PPP2R5E: variants seen among roughly 807,000 people sequenced by gnomAD.
The protein encoded by PPP2R5E is protein phosphatase 2 regulatory subunit B'epsilon.
Under a neutral mutation model 65.3 loss-of-function variants are expected in PPP2R5E, and 4 were observed. That is an observed-to-expected ratio of 0.06 (90% CI 0.03 to 0.14). PPP2R5E has a LOEUF of 0.14. Among genes scored for constraint, PPP2R5E ranks in the 10% least tolerant of loss-of-function variants. PPP2R5E has a pLI of 1.00. For missense variants in PPP2R5E, 274 were observed against 556.1 expected (o/e 0.49, Z 5.10); for synonymous variants, 183 against 187.4 (o/e 0.98, Z 0.19).
chr14:63,469,503 T>G (rs144906192), intron 2 of PPP2R5E, among the ~76,000 whole-genome samples: 4,437 of 152,170 alleles, frequency 0.029, 120 homozygotes, highest in Non-Finnish European at 0.047. Flanking sequence ...CCATCCTGGC[T>G]AACACGGTGA....
rs1395156546 is a variant in PPP2R5E, at chr14:63,372,275, A to G, written c.*3734T>C. On this transcript the variant is annotated 3_prime_UTR_variant, in exon 14 of 14. Transcript: ENST00000337537. Reference sequence around the variant, plus strand: ...GCTCAACTTTCTCTCAAGATGCACAATCCTTCTTTTAGGTTTTCAAAATTA... The same window carrying G: ...GCTCAACTTTCTCTCAAGATGCACAGTCCTTCTTTTAGGTTTTCAAAATTA... The G allele has an allele frequency of 6.6e-6, 1 of 152,152 alleles. No homozygotes were observed. The highest frequency in any genetic ancestry group is 2.4e-5 in the African/African-American group (1 of 41,436). 9.4% of individuals were successfully genotyped at this position (152,152 alleles called of 1,614,324 possible).
At chr14:63,405,156 T>C (rs1015204906) in intron 5 of PPP2R5E, among the ~76,000 whole-genome samples, 13 of 152,174 alleles carry the variant, frequency 8.5e-5, no homozygotes, top group Admixed American at 8.5e-4. Context: ...CAGGACAGGA[T>C]GAAGTGATGT....
At chr14:63,403,387 CA>C (rs35226807) in intron 5 of PPP2R5E, among the ~76,000 whole-genome samples, 7,552 of 79,274 alleles carry the variant, frequency 0.095, 162 homozygotes, top group East Asian at 0.27. Context: ...GAGTCTGTCT[CA>C]AAAAAAAAAA....
Position 63,374,660 on chromosome 14 carries a change from T to C in PPP2R5E, c.*1349A>G, listed in dbSNP as rs1292462660. On this transcript the variant is annotated 3_prime_UTR_variant, in exon 14 of 14. Coordinates refer to ENST00000337537, the MANE Select transcript of PPP2R5E (RefSeq NM_006246.5). ...ATATATATATATATATATATATATA[T>C]ATATATATAAAATACAGCCCTAGAT... 4 of 130,736 alleles carry C rather than the reference T, an allele frequency of 3.1e-5. No homozygotes were observed. In the East Asian group the frequency reaches 9.6e-4, roughly 31 times the overall value. 8.1% of individuals were successfully genotyped at this position (130,736 alleles called of 1,614,324 possible).
chr14:63,394,389 T>C (rs1885210066), intron 7 of PPP2R5E, among the ~76,000 whole-genome samples: 1 of 152,022 alleles, frequency 6.6e-6, no homozygotes, highest in South Asian at 2.1e-4. Context: ...CCAGCCAGGA[T>C]TTCTTAATGA....
intron 2 of PPP2R5E, among the ~76,000 whole-genome samples, chr14:63,476,964 A>G (rs1422828431): frequency 1.3e-5 from 2 of 152,114 alleles, no homozygotes; most frequent in Non-Finnish European, 2.9e-5. Flanking sequence ...CTACAAACGT[A>G]CACACACACA....
At chr14:63,524,312 C>A (rs554754421) in intron 2 of PPP2R5E, among the ~76,000 whole-genome samples, 12 of 152,280 alleles carry the variant, frequency 7.9e-5, no homozygotes, top group African/African-American at 2.9e-4. Flanking sequence ...TCCAGGTCCA[C>A]AGGGCTGACT....
chr14:63,459,770 G>A (rs187011230), intron 2 of PPP2R5E, among the ~76,000 whole-genome samples: 13 of 152,258 alleles, frequency 8.5e-5, no homozygotes, highest in Admixed American at 2.6e-4. Context: ...AAAAACCACC[G>A]TTTTTAAAGT....
intron 3 of PPP2R5E, among the ~76,000 whole-genome samples, chr14:63,431,419 G>A (rs1887665722): frequency 1.3e-5 from 2 of 152,114 alleles, no homozygotes; most frequent in Admixed American, 1.3e-4. Flanking sequence ...GCTATGTAAT[G>A]TCATCAATAA....
chr14:63,416,505 C>T (rs1015855955), intron 4 of PPP2R5E, among the ~76,000 whole-genome samples: 10 of 152,004 alleles, frequency 6.6e-5, no homozygotes, highest in African/African-American at 2.4e-4. Flanking sequence ...ATCATCATCA[C>T]TATTCCTAAA....
intron 5 of PPP2R5E, among the ~76,000 whole-genome samples, chr14:63,409,089 C>T (rs1434415401): frequency 6.6e-6 from 1 of 152,140 alleles, no homozygotes; most frequent in African/African-American, 2.4e-5. Flanking sequence ...AAAAATTAGC[C>T]AGCCGTAGTG....
chr14:63,378,859 C>T (rs1311428903), intron 13 of PPP2R5E, among the ~76,000 whole-genome samples: 2 of 152,186 alleles, frequency 1.3e-5, no homozygotes, highest in Non-Finnish European at 2.9e-5. Context: ...TAACTTCTTG[C>T]CATCCTGAAG....
chr14:63,523,691 C>T (rs945230210), intron 2 of PPP2R5E, among the ~76,000 whole-genome samples: 3 of 147,818 alleles, frequency 2.0e-5, no homozygotes, highest in Non-Finnish European at 3.0e-5. Flanking sequence ...TGAGAAACAC[C>T]CAAGAATGAT....
At chr14:63,435,042 A>G (rs79340675) in intron 3 of PPP2R5E, among the ~76,000 whole-genome samples, 2,723 of 152,284 alleles carry the variant, frequency 0.018, 76 homozygotes, top group African/African-American at 0.062. Flanking sequence ...CATCATAATG[A>G]TAATGTATAT....
intron 2 of PPP2R5E, among the ~76,000 whole-genome samples, chr14:63,478,552 T>C (rs184094226): frequency 2.2e-4 from 33 of 151,704 alleles, no homozygotes; most frequent in South Asian, 4.2e-4. Flanking sequence ...TTCAATTTCC[T>C]GCAACAGTAC....
chr14:63,452,535 T>C (rs1888902049), intron 3 of PPP2R5E: 1 of 152,224 alleles, frequency 6.6e-6, no homozygotes, highest in Non-Finnish European at 1.5e-5. Flanking sequence ...AAATCACACC[T>C]GGTTGAGAAG....
chr14:63,394,236 C>A (rs1356486357), intron 7 of PPP2R5E, among the ~76,000 whole-genome samples: 5 of 152,012 alleles, frequency 3.3e-5, no homozygotes, highest in Non-Finnish European at 7.4e-5. Flanking sequence ...GCACCCACCA[C>A]CATGCCTGGC....
intron 2 of PPP2R5E, among the ~76,000 whole-genome samples, chr14:63,525,833 C>T (rs1172444216): frequency 6.6e-6 from 1 of 152,150 alleles, no homozygotes; most frequent in Non-Finnish European, 1.5e-5. Context: ...AGAAGGTACA[C>T]TAAGAAAGAA....
At chr14:63,499,542 C>T (rs1216010160) in intron 2 of PPP2R5E, among the ~76,000 whole-genome samples, 2 of 152,040 alleles carry the variant, frequency 1.3e-5, no homozygotes, top group Admixed American at 6.6e-5. Flanking sequence ...CTGGCCAACA[C>T]GGCAAAACCC....
Sources: allele counts gnomAD v4.1 joint callset (sites outside exome capture counted in the v4.1 genomes callset), GRCh38; gene constraint gnomAD v4.1.1; transcripts MANE v1.5; gene names NCBI Gene and HGNC (gene_info 2026-07-23, HGNC 2026-07-21).